SPATA13: variants seen among roughly 807,000 people sequenced by gnomAD.
SPATA13 encodes spermatogenesis-associated protein 13.
In SPATA13, 50 loss-of-function variants were observed where a neutral mutation model predicts 104.0. The ratio of observed to expected loss-of-function variants is 0.48; its 90% CI spans 0.38 to 0.61. SPATA13 has a LOEUF of 0.61. Ranked by LOEUF, SPATA13 falls within the 20% of genes least tolerant of loss-of-function variation. The pLI is 0.00. For synonymous variants in SPATA13, 606 were observed against 667.5 expected (o/e 0.91, Z 1.42); for missense variants, 1,524 against 1,690.6 (o/e 0.90, Z 1.73).
At chr13:24,086,720 A>G (rs572198706) in intron 3 of SPATA13, among the ~76,000 whole-genome samples, 37 of 152,256 alleles carry the variant, frequency 2.4e-4, no homozygotes, top group African/African-American at 8.7e-4. Context: ...AAACCTTTTC[A>G]TAGTAGACAC....
intron 1 of SPATA13, among the ~76,000 whole-genome samples, chr13:24,175,871 A>C (rs1376786593): frequency 1.3e-5 from 2 of 152,242 alleles, no homozygotes; most frequent in Non-Finnish European, 2.9e-5. Flanking sequence ...ATTACTAGAA[A>C]ACATAAATAA....
At chr13:24,025,553 A>C (rs2137707026) in intron 3 of SPATA13, among the ~76,000 whole-genome samples, 1 of 152,304 alleles carries the variant, frequency 6.6e-6, no homozygotes, top group African/African-American at 2.4e-5. Flanking sequence ...CGCTTCTCCA[A>C]AGTAGTTGTT....
intron 3 of SPATA13, among the ~76,000 whole-genome samples, chr13:24,068,915 T>C (rs1366293260): frequency 6.6e-6 from 1 of 152,222 alleles, no homozygotes; most frequent in East Asian, 1.9e-4. Flanking sequence ...ATTAGACCTT[T>C]GTTGGATGCA....
chr13:24,133,115 G>A (rs1881441215), intron 3 of SPATA13, among the ~76,000 whole-genome samples: 3 of 152,162 alleles, frequency 2.0e-5, no homozygotes. Context: ...GGGCAGGTGG[G>A]TCCAGCAGCA....
At chr13:24,181,219 A>C (rs532424594) in intron 1 of SPATA13, among the ~76,000 whole-genome samples, 3 of 152,000 alleles carry the variant, frequency 2.0e-5, no homozygotes, top group Admixed American at 6.6e-5. Context: ...TCGCTGCTCT[A>C]AACTTTAGAA....
intron 8 of SPATA13, among the ~76,000 whole-genome samples, chr13:24,290,064 G>A (rs778292980): frequency 2.0e-5 from 3 of 152,222 alleles, no homozygotes; most frequent in Non-Finnish European, 2.9e-5. Context: ...GGTTCCTGCA[G>A]GAGCCAGCTT....
intron 2 of SPATA13, among the ~76,000 whole-genome samples, chr13:23,987,001 C>CTGTGTG (rs113990315): frequency 0.18 from 25,626 of 141,292 alleles, 2,373 homozygotes; most frequent in Non-Finnish European, 0.2. Flanking sequence ...ATGGATATAT[C>CTGTGTG]TGTGTGTGTG....
intron 1 of SPATA13, among the ~76,000 whole-genome samples, chr13:24,202,408 G>T (rs918542783): frequency 1.3e-5 from 2 of 152,034 alleles, no homozygotes; most frequent in East Asian, 1.9e-4. Flanking sequence ...AGTTGATTCT[G>T]CAGGGAACGG....
chr13:24,110,221 T>C (rs1261477939), intron 3 of SPATA13, among the ~76,000 whole-genome samples: 1 of 151,922 alleles, frequency 6.6e-6, no homozygotes, highest in Non-Finnish European at 1.5e-5. Context: ...TTCTGCTCGC[T>C]GAGCCGGCTC....
intron 2 of SPATA13, among the ~76,000 whole-genome samples, chr13:24,248,541 A>G (rs971146609): frequency 6.6e-6 from 1 of 152,198 alleles, no homozygotes; most frequent in Non-Finnish European, 1.5e-5. Flanking sequence ...TCCAGTCCAA[A>G]ATCTGAGATC....
At chr13:23,991,791 C>T (rs569149672) in intron 2 of SPATA13, among the ~76,000 whole-genome samples, 28 of 152,084 alleles carry the variant, frequency 1.8e-4, no homozygotes, top group Admixed American at 1.4e-3. Flanking sequence ...GAGTTGGGGG[C>T]AGGTGGGCTG....
At chr13:23,984,302 C>G (rs956572822) in intron 2 of SPATA13, among the ~76,000 whole-genome samples, 1 of 152,232 alleles carries the variant, frequency 6.6e-6, no homozygotes, top group African/African-American at 2.4e-5. Flanking sequence ...CACCAGTCAT[C>G]AGAGTCTCAA....
chr13:24,261,565 G>T (rs1329670702), intron 4 of SPATA13, among the ~76,000 whole-genome samples: 3 of 152,150 alleles, frequency 2.0e-5, no homozygotes, highest in Non-Finnish European at 2.9e-5. Context: ...CTTGAACCAT[G>T]CTCTGAGGAC....
Position 24,205,563 on chromosome 13 carries a change from CA to C in SPATA13, c.-111-17255del, listed in dbSNP as rs973380318. On this transcript the variant is annotated intron_variant, in intron 1 of 12. Coordinates refer to ENST00000382108, the MANE Select transcript of SPATA13 (RefSeq NM_001166271.3). This position sits in a 1 kb window ranked among gnomAD's most constrained non-coding sequence, Gnocchi z 4.1. ...TGATTAAATTACCATTAACATTCTT[CA>C]CAGAATTAGAAAAAAACTATTTTAA... is the stretch of plus-strand genomic sequence containing the variant. 1.3e-5 allele frequency among the ~76,000 whole-genome samples: 2 copies of C among 152,142 alleles called. No individual in the cohort carries two copies. The highest frequency in any genetic ancestry group is 2.4e-5 in the African/African-American group (1 of 41,422).
intron 2 of SPATA13, among the ~76,000 whole-genome samples, chr13:23,990,141 G>C (rs559977891): frequency 6.6e-6 from 1 of 152,122 alleles, no homozygotes; most frequent in Non-Finnish European, 1.5e-5. Flanking sequence ...CCATCTTGTT[G>C]AGATGCCACC....
chr13:24,250,596 A>C (rs2146685), intron 3 of SPATA13, among the ~76,000 whole-genome samples: 2 of 151,966 alleles, frequency 1.3e-5, no homozygotes, highest in Non-Finnish European at 2.9e-5. Context: ...CCATAAAATT[A>C]TCTTAAAAGG....
intron 2 of SPATA13, among the ~76,000 whole-genome samples, chr13:24,008,764 C>T (rs1475000452): frequency 6.6e-6 from 1 of 152,174 alleles, no homozygotes. Flanking sequence ...TGTCCACCCC[C>T]ATGTACTCCT....
chr13:24,041,174 G>A (rs117376545), intron 3 of SPATA13, among the ~76,000 whole-genome samples: 3,085 of 152,302 alleles, frequency 0.02, 47 homozygotes, highest in Middle Eastern at 0.048. Flanking sequence ...ACCCACAGTA[G>A]CTCAGAACCA....
chr13:24,279,438 C>T (rs1471934547), intron 4 of SPATA13, among the ~76,000 whole-genome samples: 1 of 152,142 alleles, frequency 6.6e-6, no homozygotes, highest in African/African-American at 2.4e-5. Flanking sequence ...CAGCATCGCT[C>T]TGGCAGCTAT....
Sources: gnomAD v4.1 joint callset for allele counts (sites outside exome capture counted in the v4.1 genomes callset) on GRCh38, gnomAD v4.1.1 for gene constraint, Gnocchi (gnomAD v3.1) non-coding constraint, MANE v1.5 for transcripts, NCBI Gene and HGNC (gene_info 2026-07-23, HGNC 2026-07-21) for gene names.